The following TBC1D12 variants were observed in gnomAD, a reference collection of about 807,000 sequenced individuals.
TBC1D12 encodes the protein TBC1 domain family, member 12.
In TBC1D12, 56 loss-of-function variants were observed where a neutral mutation model predicts 86.7. The ratio of observed to expected loss-of-function variants is 0.65; its 90% CI spans 0.52 to 0.81. The LOEUF (loss-of-function observed/expected upper bound fraction) is 0.81. Among genes scored for constraint, TBC1D12 ranks in the 30% least tolerant of loss-of-function variants. TBC1D12 has a pLI of 0.00. For missense variants in TBC1D12, 1,023 were observed against 1,038.8 expected (o/e 0.98, Z 0.21); for synonymous variants, 421 against 411.7 (o/e 1.02, Z -0.27).
At chr10:94,484,970 ATTTG>A (rs1247992037) in intron 3 of TBC1D12, among the ~76,000 whole-genome samples, 1 of 152,090 alleles carries the variant, frequency 6.6e-6, no homozygotes, top group Non-Finnish European at 1.5e-5. Flanking sequence ...ACTTTACTGA[ATTTG>A]TTTATCATTT....
intron 2 of TBC1D12, among the ~76,000 whole-genome samples, chr10:94,472,319 A>C (rs1241396683): frequency 6.6e-6 from 1 of 152,234 alleles, no homozygotes; most frequent in Non-Finnish European, 1.5e-5. Context: ...GTTAAAAGGC[A>C]GGCTATGGAG....
chr10:94,511,694 T>G (rs1318027379), intron 9 of TBC1D12, 40 bp downstream of exon 9: 1 of 1,326,408 alleles, frequency 7.5e-7, no homozygotes, highest in Non-Finnish European at 1.1e-6. Context: ...ATATAAGCAT[T>G]TTATCTACAC....
chr10:94,514,881 A>G (rs1242989505), intron 9 of TBC1D12, among the ~76,000 whole-genome samples: 1 of 149,098 alleles, frequency 6.7e-6, no homozygotes, highest in Non-Finnish European at 1.5e-5. Context: ...TTACATTCCT[A>G]TAAACAGTGT....
chr10:94,419,149 A>G (rs2055042033), intron 1 of TBC1D12, among the ~76,000 whole-genome samples: 1 of 152,198 alleles, frequency 6.6e-6, no homozygotes, highest in South Asian at 2.1e-4. Context: ...CTGGGATTAC[A>G]GGCGTGAGTC....
chr10:94,411,646 CTAT>C (rs1469248720), intron 1 of TBC1D12, among the ~76,000 whole-genome samples: 2 of 151,954 alleles, frequency 1.3e-5, no homozygotes, highest in African/African-American at 4.8e-5. Context: ...TTCAGGAGAC[CTAT>C]TATTTGGCTG....
At chr10:94,465,945 CGT>C (rs2055815296) in intron 2 of TBC1D12, among the ~76,000 whole-genome samples, 1 of 149,900 alleles carries the variant, frequency 6.7e-6, no homozygotes, top group Admixed American at 6.7e-5. Flanking sequence ...TGTATATACG[CGT>C]ATGTATGTAT....
At chr10:94,517,101 C>T (rs974306036) in intron 9 of TBC1D12, among the ~76,000 whole-genome samples, 2 of 152,016 alleles carry the variant, frequency 1.3e-5, no homozygotes, top group African/African-American at 4.8e-5. Context: ...CTTCAGGCTG[C>T]GTGCGGTGGC....
At chr10:94,453,376 T>C (rs561928661) in intron 2 of TBC1D12, among the ~76,000 whole-genome samples, 44 of 152,238 alleles carry the variant, frequency 2.9e-4, no homozygotes, top group African/African-American at 1.1e-3. Flanking sequence ...ATAAAAATAT[T>C]TTGTGTGCAT....
chr10:94,533,478 C>G lies in TBC1D12; in HGVS notation c.*382C>G, dbSNP rs1842479744. ...GAGGCTAGAGTAGGATTGTTAAATA[C>G]TACTGTTAACCTCCAAAGTACTATA... is the stretch of plus-strand genomic sequence containing the variant. On this transcript the variant is annotated 3_prime_UTR_variant, in exon 13 of 13. Transcript: ENST00000225235. 5.6e-6 allele frequency: 1 copy of G among 178,616 alleles called. No homozygotes were observed. The highest frequency in any genetic ancestry group is 1.2e-5 in the Non-Finnish European group (1 of 86,554). The allele number at this position is 178,616 out of a possible 1,614,324, so 11.1% of individuals were successfully genotyped here.
intron 2 of TBC1D12, among the ~76,000 whole-genome samples, chr10:94,465,778 A>ACATACATATACG (rs1441760067): frequency 1.6e-4 from 22 of 137,878 alleles, no homozygotes; most frequent in African/African-American, 5.3e-4. Flanking sequence ...GTATACGCAT[A>ACATACATATACG]CATACATACA....
intron 1 of TBC1D12, among the ~76,000 whole-genome samples, chr10:94,412,918 A>C (rs2054945143): frequency 6.6e-6 from 1 of 152,194 alleles, no homozygotes; most frequent in Non-Finnish European, 1.5e-5. Context: ...GGTTGTTAAG[A>C]ATGCAGATTC....
chr10:94,459,227 A>G lies in TBC1D12; in HGVS notation c.1096-15441A>G, dbSNP rs150306578. On this transcript the variant is annotated intron_variant, in intron 2 of 12. Transcript: ENST00000225235. ...TTTACAATCCTTTAGCTAGACACAA[A>G]AGTTCGCCAAGTCCCCACTAGATTA... 3.2e-3 allele frequency among the ~76,000 whole-genome samples: 487 copies of G among 152,150 alleles called. 2 individuals are homozygous for G. The highest frequency in any genetic ancestry group is 0.011 in the African/African-American group (470 of 41,500).
At chr10:94,474,410 C>A (rs1189895267) in intron 2 of TBC1D12, among the ~76,000 whole-genome samples, 1 of 151,544 alleles carries the variant, frequency 6.6e-6, no homozygotes, top group Non-Finnish European at 1.5e-5. Context: ...CCAGGCTGGT[C>A]TTGAATTCGT....
intron 2 of TBC1D12, among the ~76,000 whole-genome samples, chr10:94,471,632 G>A (rs1245291541): frequency 2.0e-5 from 3 of 151,992 alleles, no homozygotes; most frequent in African/African-American, 7.3e-5. Flanking sequence ...CATCATTTTT[G>A]CTCCAGTTCC....
At chr10:94,407,521 C>G (rs2054872605) in intron 1 of TBC1D12, among the ~76,000 whole-genome samples, 1 of 151,930 alleles carries the variant, frequency 6.6e-6, no homozygotes, top group Non-Finnish European at 1.5e-5. Context: ...GTCTCTACTA[C>G]AAATACAAAA....
chr10:94,459,407 C>G (rs952975668), intron 2 of TBC1D12, among the ~76,000 whole-genome samples: 1 of 152,248 alleles, frequency 6.6e-6, no homozygotes, highest in Non-Finnish European at 1.5e-5. Context: ...AGTCCCCACC[C>G]GACTCAAGAG....
chr10:94,514,911 T>C lies in TBC1D12; in HGVS notation c.1761+3257T>C, dbSNP rs543705594. ...CAGTGTGCAAGTTTTTTTTTTCTTT[T>C]TTTTTTTTTTTTTTGAGACGGAGTC... On this transcript the variant is annotated intron_variant, in intron 9 of 12. Transcript: ENST00000225235. Among the ~76,000 whole-genome samples, 20 of 145,418 alleles carry C rather than the reference T, an allele frequency of 1.4e-4. No individual in the cohort carries two copies. In the East Asian group the frequency reaches 2.4e-3, roughly 17 times the overall value.
intron 3 of TBC1D12, among the ~76,000 whole-genome samples, chr10:94,485,400 A>C (rs1292761536): frequency 6.6e-6 from 1 of 152,142 alleles, no homozygotes; most frequent in Non-Finnish European, 1.5e-5. Flanking sequence ...ATTTGCATAC[A>C]TTGAAATATA....
At chr10:94,531,709 T>G (rs61886166) in intron 12 of TBC1D12, among the ~76,000 whole-genome samples, 4,354 of 81,448 alleles carry the variant, frequency 0.053, 211 homozygotes, top group South Asian at 0.11. Context: ...GTTATGTTAT[T>G]TTATGTTATT....
Sources: gnomAD v4.1 joint callset for allele counts (sites outside exome capture counted in the v4.1 genomes callset) on GRCh38, gnomAD v4.1.1 for gene constraint, MANE v1.5 for transcripts, NCBI Gene and HGNC (gene_info 2026-07-23, HGNC 2026-07-21) for gene names.